Variants in PCDHA13 observed in about 807,000 individuals in gnomAD.
PCDHA13 encodes protocadherin alpha 13, also known as protocadherin alpha-13.
In PCDHA13, 54 loss-of-function variants were observed where a neutral mutation model predicts 64.8. The observed-to-expected ratio is 0.83, with a 90% CI of 0.67 to 1.04. The LOEUF is 1.04. Among genes scored for constraint, PCDHA13 ranks in the 50% least tolerant of loss-of-function variants. PCDHA13 has a pLI of 0.00. For missense variants in PCDHA13, 1,248 were observed against 1,254.3 expected, an observed-to-expected ratio of 0.99 and a Z score of 0.08; for synonymous variants, 587 against 564.4, an observed-to-expected ratio of 1.04 and a Z score of -0.57.
chr5:140,987,244 A>T (rs1184597193), intron 3 of PCDHA13, among the ~76,000 whole-genome samples: 1 of 152,018 alleles, frequency 6.6e-6, no homozygotes, highest in Non-Finnish European at 1.5e-5. Context: ...ATAAAGAAAG[A>T]AAGACATTCT....
rs782603246 is a variant in PCDHA13, at chr5:140,883,847, G to T, written c.1579G>T (p.Glu527Ter). Residue 527 changes from glutamate (E) to a stop codon, truncating the protein, a stop_gained, in exon 1 of 4, where the codon GAG (glutamate) becomes TAG (stop). Transcript: ENST00000289272. LOFTEE classifies it high-confidence loss of function. ...CGCGCTGCAGCCGTTGGACCACGAGGAGCTGGAGCTGTTGCAGTTCCAGGT... is the reference window on the plus strand; with the variant it reads ...CGCGCTGCAGCCGTTGGACCACGAGTAGCTGGAGCTGTTGCAGTTCCAGGT... ...VYALQPLDHEELELLQFQVSA... is the reference protein window; with the variant it reads ...VYALQPLDHE 4.3e-6 allele frequency: 7 copies of T among 1,612,760 alleles called. No individual in the cohort carries two copies. The East Asian group carries it at 1.3e-4, about 31-fold the overall frequency.
In PCDHA13 at chr5:140,927,795, G is replaced by T; in HGVS notation, c.2394+43133G>T. ...TGCAAGTAGCTGCTTCACTAGGTCC[G>T]CCTGAAACGCTCTTGGAGGCATACA... On this transcript the variant is annotated intron_variant, in intron 1 of 3. Transcript: ENST00000289272. The T allele has an allele frequency of 1.9e-6, 3 of 1,614,144 alleles. 1 individual carries two copies. The highest frequency in any genetic ancestry group is 2.2e-5 in the South Asian group (2 of 91,080).
At chr5:140,920,135 C>T (rs1206026315) in intron 1 of PCDHA13, among the ~76,000 whole-genome samples, 2 of 152,164 alleles carry the variant, frequency 1.3e-5, no homozygotes, top group Non-Finnish European at 2.9e-5. Flanking sequence ...TTTTAATTCT[C>T]CTCTCCAAAC....
intron 3 of PCDHA13, among the ~76,000 whole-genome samples, chr5:140,985,779 G>A (rs2097170620): frequency 7.9e-6 from 1 of 126,148 alleles, no homozygotes; most frequent in Non-Finnish European, 1.6e-5. Flanking sequence ...TCGCTCTGTC[G>A]CCCAGGCTGG....
intron 1 of PCDHA13, among the ~76,000 whole-genome samples, chr5:140,922,161 A>C (rs1381544563): frequency 1.4e-5 from 2 of 147,172 alleles, no homozygotes; most frequent in African/African-American, 2.5e-5. Flanking sequence ...CAAAAACAAC[A>C]AAAAGTACAG....
intron 3 of PCDHA13, among the ~76,000 whole-genome samples, chr5:140,991,573 G>C (rs1406319253): frequency 2.0e-5 from 3 of 152,036 alleles, no homozygotes; most frequent in Non-Finnish European, 4.4e-5. Context: ...CCAATAACAG[G>C]CTCCTTATTT....
intron 1 of PCDHA13, among the ~76,000 whole-genome samples, chr5:140,962,929 A>T (rs1386992197): frequency 1.3e-5 from 2 of 152,070 alleles, no homozygotes; most frequent in Non-Finnish European, 2.9e-5. Context: ...ATACTTCTCA[A>T]CCTCCTCTCC....
chr5:140,966,982 G>C, intron 1 of PCDHA13: 1 of 1,603,506 alleles, frequency 6.2e-7, no homozygotes, highest in Non-Finnish European at 8.5e-7. Flanking sequence ...TGCGGCGCTT[G>C]GGGCCGGGTT....
chr5:140,948,029 T>A (rs1372869400), intron 1 of PCDHA13, among the ~76,000 whole-genome samples: 1 of 151,594 alleles, frequency 6.6e-6, no homozygotes, highest in African/African-American at 2.4e-5. Flanking sequence ...TCTGGTTTGC[T>A]CAGAGTTTTA....
chr5:141,000,379 CTCTCTCTCTCTCTCTCTA>C (rs1224441934), intron 3 of PCDHA13, among the ~76,000 whole-genome samples: 4 of 60,364 alleles, frequency 6.6e-5, no homozygotes, highest in Non-Finnish European at 9.2e-5. Flanking sequence ...CTCTCTCTCT[CTCTCTCTCTCTCTCTCTA>C]TATATATATA....
intron 2 of PCDHA13, 141 bp downstream of exon 2, chr5:140,979,148 C>G: frequency 6.9e-7 from 1 of 1,441,158 alleles, no homozygotes; most frequent in South Asian, 1.5e-5. Context: ...TTATTTTGTC[C>G]CCATGTTTAT....
chr5:140,990,055 C>T (rs1563562429), intron 3 of PCDHA13, among the ~76,000 whole-genome samples: 2 of 151,866 alleles, frequency 1.3e-5, no homozygotes, highest in Non-Finnish European at 1.5e-5. Context: ...GATGGTAATA[C>T]TTAAAGGAAA....
chr5:140,975,630 G>A (rs182087841), intron 1 of PCDHA13, among the ~76,000 whole-genome samples: 16 of 152,316 alleles, frequency 1.1e-4, no homozygotes, highest in Admixed American at 3.3e-4. Flanking sequence ...TCCATGGTAC[G>A]AAGATAGCAT....
At chr5:140,969,236 G>A (rs782453054) in intron 1 of PCDHA13, 5 of 1,614,052 alleles carry the variant, frequency 3.1e-6, no homozygotes, top group Non-Finnish European at 4.2e-6. Flanking sequence ...GGGAGCCCAA[G>A]CAGCAGTGAC....
intron 2 of PCDHA13, among the ~76,000 whole-genome samples, chr5:140,981,379 G>C (rs1387904235): frequency 6.6e-6 from 1 of 152,152 alleles, no homozygotes; most frequent in Non-Finnish European, 1.5e-5. Context: ...TTCAAGACCA[G>C]CCTGGTCAAT....
chr5:140,923,139 A>G (rs1213586565), intron 1 of PCDHA13, among the ~76,000 whole-genome samples: 3 of 152,188 alleles, frequency 2.0e-5, no homozygotes, highest in Non-Finnish European at 2.9e-5. Context: ...TGAAGGTGGA[A>G]TATAAAAAAA....
intron 1 of PCDHA13, among the ~76,000 whole-genome samples, chr5:140,950,301 T>G (rs1467140584): frequency 6.6e-6 from 1 of 152,076 alleles, no homozygotes; most frequent in Non-Finnish European, 1.5e-5. Context: ...AAACTTTACT[T>G]AGCAGTTTTT....
At chr5:140,996,129 G>A (rs190965499) in intron 3 of PCDHA13, among the ~76,000 whole-genome samples, 1 of 152,210 alleles carries the variant, frequency 6.6e-6, no homozygotes, top group Non-Finnish European at 1.5e-5. Flanking sequence ...TGGTGTAGAG[G>A]GTTCTCCCAT....
rs1279359347 is a variant in PCDHA13 at position 141,012,130 on chromosome 5, C to T, written c.*2193C>T. ...ACTGAAGCCCATGTATCTGACCTTA[C>T]GTGCCTTTTGAACTAGGAGAATCGG... On this transcript the variant is annotated 3_prime_UTR_variant, in exon 4 of 4. Coordinates refer to ENST00000289272, the MANE Select transcript of PCDHA13 (RefSeq NM_018904.3). The T allele has an allele frequency of 2.0e-5, 3 of 153,796 alleles. No individual in the cohort carries two copies. The highest frequency in any genetic ancestry group is 1.9e-4 in the East Asian group (1 of 5,172). 9.5% of individuals were successfully genotyped at this position (153,796 alleles called of 1,614,324 possible). A position where few individuals can be genotyped will look rare whatever the true frequency, so the allele number is the denominator to read the frequency against.
Sources: allele counts gnomAD v4.1 joint callset (sites outside exome capture counted in the v4.1 genomes callset), GRCh38; gene constraint gnomAD v4.1.1; transcripts MANE v1.5; gene names NCBI Gene and HGNC (gene_info 2026-07-23, HGNC 2026-07-21).